Variants in ARHGAP42 observed in about 807,000 individuals in gnomAD.
The protein encoded by ARHGAP42 is rho GTPase-activating protein 42.
A neutral mutation model predicts 125.0 loss-of-function variants in ARHGAP42; 63 were observed. The observed-to-expected ratio is 0.50, with a 90% CI of 0.41 to 0.62. The LOEUF (loss-of-function observed/expected upper bound fraction) is 0.62, where lower values mean the gene tolerates loss of function less well. Among genes scored for constraint, ARHGAP42 ranks in the 20% least tolerant of loss-of-function variants. The pLI is 0.00. For synonymous variants in ARHGAP42, 339 were observed against 351.0 expected (o/e 0.97, Z 0.38); for missense variants, 766 against 1,024.2 (o/e 0.75, Z 3.44).
chr11:100,957,777 A>T (rs928843828), intron 12 of ARHGAP42, among the ~76,000 whole-genome samples: 2 of 152,130 alleles, frequency 1.3e-5, no homozygotes, highest in Admixed American at 1.3e-4. Flanking sequence ...GTCATTCTAC[A>T]TGATGAGCTT....
At chr11:100,968,309 G>T (rs534955612) in intron 17 of ARHGAP42, among the ~76,000 whole-genome samples, 1 of 152,058 alleles carries the variant, frequency 6.6e-6, no homozygotes, top group South Asian at 2.1e-4. Flanking sequence ...TTATTGATGT[G>T]GTTGGACCTA....
intron 1 of ARHGAP42, among the ~76,000 whole-genome samples, chr11:100,769,561 T>C (rs961008078): frequency 8.5e-5 from 13 of 152,160 alleles, no homozygotes; most frequent in Admixed American, 2.0e-4. Context: ...GCCTTTCAGG[T>C]CATCTTTTAC....
At chr11:100,837,009 T>A (rs1464318197) in intron 3 of ARHGAP42, among the ~76,000 whole-genome samples, 1 of 152,118 alleles carries the variant, frequency 6.6e-6, no homozygotes, top group Non-Finnish European at 1.5e-5. Context: ...GGTTCAAGAT[T>A]GTAAATTTCT....
intron 5 of ARHGAP42, among the ~76,000 whole-genome samples, chr11:100,913,987 T>G (rs1291802227): frequency 6.6e-6 from 1 of 152,124 alleles, no homozygotes; most frequent in Admixed American, 6.6e-5. Context: ...CAGGCTGGAG[T>G]GCAGTGGTGC....
intron 4 of ARHGAP42, among the ~76,000 whole-genome samples, chr11:100,903,712 ATATATATAT>A (rs1565268116): frequency 0.028 from 935 of 33,398 alleles, 65 homozygotes; most frequent in African/African-American, 0.054. Context: ...CCCTCAAAAT[ATATATATAT>A]ATATATATAT....
intron 1 of ARHGAP42, among the ~76,000 whole-genome samples, chr11:100,704,298 C>G (rs1861443827): frequency 6.6e-6 from 1 of 152,002 alleles, no homozygotes; most frequent in African/African-American, 2.4e-5. Flanking sequence ...AGCTCAGGCC[C>G]GGGGTTGAGG....
intron 4 of ARHGAP42, among the ~76,000 whole-genome samples, chr11:100,878,845 T>G (rs1865886818): frequency 6.6e-6 from 1 of 152,038 alleles, no homozygotes; most frequent in Non-Finnish European, 1.5e-5. Context: ...ATGGACTTGC[T>G]TAAAACACAA....
At chr11:100,752,055 C>T (rs1862473382) in intron 1 of ARHGAP42, among the ~76,000 whole-genome samples, 1 of 152,128 alleles carries the variant, frequency 6.6e-6, no homozygotes. Flanking sequence ...GCTGGGATTA[C>T]AGGCAGGAGC....
At position 100,687,362 on chromosome 11, in the gene ARHGAP42, C is replaced by A. The variant is rs1238759113; in HGVS notation, c.-317C>A. On this transcript the variant is annotated 5_prime_UTR_variant, in exon 1 of 24. Coordinates refer to ENST00000298815, the MANE Select transcript of ARHGAP42 (RefSeq NM_152432.4). The stretch of plus-strand genomic sequence containing the variant: ...GTCTGCGCGCCGTGAGAGAAACTTT[C>A]CTGCTCCGGCCGCGGCCCGGAGCCT... 6.6e-6 allele frequency among the ~76,000 whole-genome samples: 1 copy of A among 152,078 alleles called. No individual in the cohort carries two copies. The highest frequency in any genetic ancestry group is 1.9e-4 in the East Asian group (1 of 5,152).
chr11:100,960,149 T>G (rs183872396), intron 13 of ARHGAP42, among the ~76,000 whole-genome samples: 8 of 152,106 alleles, frequency 5.3e-5, no homozygotes, highest in African/African-American at 1.9e-4. Context: ...GCATACTTCT[T>G]TTTTAGATTT....
intron 3 of ARHGAP42, among the ~76,000 whole-genome samples, chr11:100,848,944 G>A (rs1294552163): frequency 3.9e-5 from 6 of 152,160 alleles, no homozygotes; most frequent in Non-Finnish European, 5.9e-5. Flanking sequence ...GTGCAGGAGA[G>A]TGTGAATGTC....
At chr11:100,697,433 C>T (rs926092240) in intron 1 of ARHGAP42, among the ~76,000 whole-genome samples, 1 of 152,170 alleles carries the variant, frequency 6.6e-6, no homozygotes, top group Non-Finnish European at 1.5e-5. Context: ...CCGCCCGCCT[C>T]GGCCTCCCAA....
intron 17 of ARHGAP42, among the ~76,000 whole-genome samples, chr11:100,970,335 C>T (rs1858206594): frequency 6.6e-6 from 1 of 152,108 alleles, no homozygotes; most frequent in Non-Finnish European, 1.5e-5. Flanking sequence ...CTATTTCCCC[C>T]TCTGTGTGAA....
chr11:100,920,215 T>A (rs536950150), intron 5 of ARHGAP42, among the ~76,000 whole-genome samples: 20 of 152,282 alleles, frequency 1.3e-4, no homozygotes, highest in Non-Finnish European at 2.4e-4. Context: ...ACTTTAAACG[T>A]CTCTAGTGAG....
At chr11:100,882,747 A>G (rs993714825) in intron 4 of ARHGAP42, among the ~76,000 whole-genome samples, 3 of 151,922 alleles carry the variant, frequency 2.0e-5, no homozygotes, top group Non-Finnish European at 4.4e-5. Context: ...TTTGTTGGTA[A>G]TAATTACCAT....
At position 100,886,306 on chromosome 11, in the gene ARHGAP42, T is replaced by C. The variant is rs1866091965; in HGVS notation, c.384+26681T>C. On this transcript the variant is annotated intron_variant, in intron 4 of 23. Transcript: ENST00000298815. ...TTTGAATCTAAACGTGTAGCTGTCATACAGGGAACAGACTTCCTTGAATAA... is the reference window on the plus strand; with the variant it reads ...TTTGAATCTAAACGTGTAGCTGTCACACAGGGAACAGACTTCCTTGAATAA... 2.6e-5 allele frequency among the ~76,000 whole-genome samples: 4 copies of C among 152,204 alleles called. No homozygotes were observed. The South Asian group carries it at 8.3e-4, about 31-fold the overall frequency.
intron 7 of ARHGAP42, among the ~76,000 whole-genome samples, chr11:100,934,322 G>A (rs1639676082): frequency 1.3e-5 from 2 of 151,950 alleles, no homozygotes; most frequent in African/African-American, 4.8e-5. Context: ...ACGCATGTGT[G>A]TGAGACATGC....
At chr11:100,709,844 C>T (rs191939184) in intron 1 of ARHGAP42, among the ~76,000 whole-genome samples, 44 of 152,278 alleles carry the variant, frequency 2.9e-4, no homozygotes, top group African/African-American at 9.9e-4. Context: ...GAAATTGGAT[C>T]ATGTATCAGC....
At chr11:100,938,419 A>T (rs921946992) in intron 8 of ARHGAP42, among the ~76,000 whole-genome samples, 2 of 150,266 alleles carry the variant, frequency 1.3e-5, no homozygotes, top group Admixed American at 6.6e-5. Context: ...CCTTATTAGC[A>T]CTCTCTTTGT....
Sources: allele counts gnomAD v4.1 joint callset (sites outside exome capture counted in the v4.1 genomes callset), GRCh38; gene constraint gnomAD v4.1.1; transcripts MANE v1.5; gene names NCBI Gene and HGNC (gene_info 2026-07-23, HGNC 2026-07-21).